LHFPL5: variants seen among roughly 807,000 people sequenced by gnomAD.
LHFPL5 encodes LHFPL tetraspan subfamily member 5, also known as LHFPL tetraspan subfamily member 5 protein.
A neutral mutation model predicts 18.7 loss-of-function variants in LHFPL5; 12 were observed. That is an observed-to-expected ratio of 0.64 (90% CI 0.41 to 1.04). LHFPL5 has a LOEUF of 1.04. Among genes scored for constraint, LHFPL5 ranks in the 50% least tolerant of loss-of-function variants. LHFPL5 has a pLI of 0.00. For missense variants in LHFPL5, 259 were observed against 292.1 expected (o/e 0.89, Z 0.83); for synonymous variants, 111 against 120.2 (o/e 0.92, Z 0.50).
intron 1 of LHFPL5, among the ~76,000 whole-genome samples, chr6:35,807,428 G>A (rs1158859288): frequency 6.6e-6 from 1 of 152,136 alleles, no homozygotes; most frequent in Non-Finnish European, 1.5e-5. Context: ...AGCCCAGGAA[G>A]AGGGTTAAGA....
chr6:35,813,239 A>ATATT (rs1768698409), intron 1 of LHFPL5, among the ~76,000 whole-genome samples: 1 of 56,294 alleles, frequency 1.8e-5, no homozygotes, highest in African/African-American at 6.7e-5. Flanking sequence ...AGGAACTAGC[A>ATATT]TTTTTTTTTT....
chr6:35,816,954 G>T (rs1419429047), intron 2 of LHFPL5, among the ~76,000 whole-genome samples: 1 of 152,012 alleles, frequency 6.6e-6, no homozygotes, highest in Non-Finnish European at 1.5e-5. Context: ...GTATGTGAAA[G>T]AATGAAATTG....
chr6:35,817,329 A>C (rs1180505037), intron 2 of LHFPL5, among the ~76,000 whole-genome samples: 1 of 152,228 alleles, frequency 6.6e-6, no homozygotes, highest in Non-Finnish European at 1.5e-5. Context: ...TAAAAAAAAA[A>C]ATCTTAAAAG....
rs1768917913 is a variant in LHFPL5 at position 35,823,491 on chromosome 6, TCA to T, written c.*527_*528del. On this transcript the variant is annotated 3_prime_UTR_variant, in exon 4 of 4. Transcript: ENST00000360215. ...CACACACACACACTCTCTCTCTCTC[TCA>T]AACACACACAAATGCCCAACCAGCT... is the stretch of plus-strand genomic sequence containing the variant. 1.4e-5 allele frequency: 2 copies of T among 147,960 alleles called. No individual in the cohort carries two copies. The highest frequency in any genetic ancestry group is 4.3e-4 in the South Asian group (2 of 4,650). The allele number at this position is 147,960 out of a possible 1,614,324, so 9.2% of individuals were successfully genotyped here.
chr6:35,813,433 C>A (rs541714098), intron 1 of LHFPL5, among the ~76,000 whole-genome samples: 1 of 151,620 alleles, frequency 6.6e-6, no homozygotes, highest in African/African-American at 2.4e-5. Context: ...TTAGGAGAGA[C>A]GGGGTTTCAC....
At chr6:35,813,792 C>CTTTTTTTTT (rs1012092184) in intron 1 of LHFPL5, among the ~76,000 whole-genome samples, 1 of 121,538 alleles carries the variant, frequency 8.2e-6, no homozygotes, top group Admixed American at 8.6e-5. Flanking sequence ...TTTCCTTTTC[C>CTTTTTTTTT]TTTTTTTTTT....
intron 3 of LHFPL5, among the ~76,000 whole-genome samples, chr6:35,821,973 CAA>C (rs1768876542): frequency 7.0e-6 from 1 of 142,622 alleles, no homozygotes; most frequent in African/African-American, 2.6e-5. Context: ...TCCTGATGCT[CAA>C]GTCATCCTTC....
chr6:35,818,548 G>T (rs540390459), intron 2 of LHFPL5, among the ~76,000 whole-genome samples: 6 of 151,360 alleles, frequency 4.0e-5, no homozygotes, highest in African/African-American at 1.5e-4. Flanking sequence ...TTTTTGTAGA[G>T]ACGGGGTTCC....
chr6:35,810,808 CAG>C (rs757578440), intron 1 of LHFPL5, among the ~76,000 whole-genome samples: 1 of 122,352 alleles, frequency 8.2e-6, no homozygotes, highest in Non-Finnish European at 1.6e-5. Flanking sequence ...GCCTGGGCGA[CAG>C]AGTGAGACTC....
At chr6:35,822,917 G>A (rs890396812) in intron 3 of LHFPL5, 65 bp from the exon 4 acceptor site, 3 of 152,076 alleles carry the variant, frequency 2.0e-5, no homozygotes, top group African/African-American at 7.2e-5. Flanking sequence ...GCCTATATTG[G>A]TTTTTAAAAT....
At chr6:35,820,360 C>A (rs1278075088) in intron 3 of LHFPL5, among the ~76,000 whole-genome samples, 4 of 152,116 alleles carry the variant, frequency 2.6e-5, no homozygotes, top group Non-Finnish European at 4.4e-5. Context: ...AGTTTCCAAA[C>A]ATTTGTTAAA....
intron 2 of LHFPL5, among the ~76,000 whole-genome samples, chr6:35,818,889 T>C (rs1768817687): frequency 6.6e-6 from 1 of 152,108 alleles, no homozygotes; most frequent in African/African-American, 2.4e-5. Context: ...TGGAGTGCAG[T>C]GGCGTGATCT....
chr6:35,805,753 T>A lies in LHFPL5; in HGVS notation c.83T>A (p.Met28Lys). ...YVRNSRAVGV[M>K]WGTLTICFSV... ...CGGAACTCGCGAGCCGTGGGCGTGA[T>A]GTGGGGTACCCTCACCATCTGCTTC... Residue 28 changes from methionine to lysine, a missense_variant, in exon 1 of 4, where the codon ATG becomes AAG. Met to Lys is a moderately conservative substitution (Grantham distance 95). Coordinates refer to ENST00000360215, the MANE Select transcript of LHFPL5 (RefSeq NM_182548.4). The surrounding 1 kb of genome is among the most constrained non-coding windows in gnomAD (Gnocchi z 4.3). 1.2e-6 allele frequency: 2 copies of A among 1,614,224 alleles called. No homozygotes were observed. Among genetic ancestry groups the A allele is most frequent in the Non-Finnish European group, 1.7e-6 (2 of 1,180,034 alleles).
At chr6:35,812,919 G>C (rs970570211) in intron 1 of LHFPL5, among the ~76,000 whole-genome samples, 1 of 152,128 alleles carries the variant, frequency 6.6e-6, no homozygotes, top group East Asian at 1.9e-4. Flanking sequence ...GCCGGGCATG[G>C]TGGTACATGC....
At chr6:35,813,372 G>A (rs1423600843) in intron 1 of LHFPL5, among the ~76,000 whole-genome samples, 31 of 150,292 alleles carry the variant, frequency 2.1e-4, no homozygotes, top group African/African-American at 7.1e-4. Flanking sequence ...AGCCTCCCGA[G>A]TAGCTGGGAC....
At position 35,823,479 on chromosome 6, in the gene LHFPL5, T is replaced by A. The variant is rs575842617; in HGVS notation, c.*514T>A. The A allele has an allele frequency of 0.011, 1,535 of 134,002 alleles. 29 individuals are homozygous for A. The highest frequency in any genetic ancestry group is 0.019 in the Middle Eastern group (5 of 258). The allele number at this position is 134,002 out of a possible 1,614,324, so 8.3% of individuals were successfully genotyped here. A position where few individuals can be genotyped will look rare whatever the true frequency, so the allele number is the denominator to read the frequency against. On this transcript the variant is annotated 3_prime_UTR_variant, in exon 4 of 4. Transcript: ENST00000360215. ...CACACACACACACACACACACACACTCTCTCTCTCTCTCAAACACACACAA... is the reference window on the plus strand; with the variant it reads ...CACACACACACACACACACACACACACTCTCTCTCTCTCAAACACACACAA...
chr6:35,818,335 ATATATATATATATGTATT>A (rs1561955510), intron 2 of LHFPL5, among the ~76,000 whole-genome samples: 19 of 7,642 alleles, frequency 2.5e-3, no homozygotes, highest in Admixed American at 4.2e-3. Context: ...ATATATATAT[ATATATATATATATGTATT>A]TTTTTTTTTT....
At chr6:35,813,080 T>C (rs569888414) in intron 1 of LHFPL5, among the ~76,000 whole-genome samples, 33 of 151,824 alleles carry the variant, frequency 2.2e-4, no homozygotes, top group Non-Finnish European at 3.8e-4. Flanking sequence ...AAAGCTTAAG[T>C]TGCTTGCTCT....
Position 35,805,648 on chromosome 6 carries a change from G to T in LHFPL5, c.-23G>T, listed in dbSNP as rs749921858. ...CGGACTTGCAGCCCACGGGACCCCA[G>T]CCCAGGGCCTGCTGCCCTCACCATG... On this transcript the variant is annotated 5_prime_UTR_variant, in exon 1 of 4. Transcript: ENST00000360215. The surrounding 1 kb of genome is among the most constrained non-coding windows in gnomAD (Gnocchi z 4.3). The T allele has an allele frequency of 5.6e-6, 9 of 1,613,722 alleles. No homozygotes were observed. The South Asian group carries it at 9.9e-5, about 18-fold the overall frequency.
Sources: allele counts gnomAD v4.1 joint callset (sites outside exome capture counted in the v4.1 genomes callset), GRCh38; gene constraint gnomAD v4.1.1; non-coding constraint Gnocchi (gnomAD v3.1); transcripts MANE v1.5; gene names NCBI Gene and HGNC (gene_info 2026-07-23, HGNC 2026-07-21).